Variants in SGPP2 observed in about 807,000 individuals in gnomAD.
SGPP2 encodes sphingosine-1-phosphate phosphatase 2.
SGPP2 carries 30 observed loss-of-function variants against 33.9 expected under a neutral mutation model. The observed-to-expected ratio is 0.89, with a 90% CI of 0.66 to 1.20. SGPP2 has a LOEUF of 1.20. Ranked by LOEUF, SGPP2 falls within the 50% of genes most tolerant of loss-of-function variation. The pLI, the probability that SGPP2 is intolerant of heterozygous loss-of-function variation, is 0.00. For synonymous variants in SGPP2, 233 were observed against 225.0 expected, an observed-to-expected ratio of 1.04 and a Z score of -0.32; for missense variants, 458 against 532.1, an observed-to-expected ratio of 0.86 and a Z score of 1.37.
intron 1 of SGPP2, among the ~76,000 whole-genome samples, chr2:222,445,778 G>T (rs1324003382): frequency 1.3e-5 from 2 of 152,206 alleles, no homozygotes; most frequent in Non-Finnish European, 2.9e-5. Flanking sequence ...CGAAGGCTTA[G>T]ATGTCCTCTC....
rs538662911 is a variant in SGPP2, at chr2:222,487,718, T to TA, written c.378+12992_378+12993insA. ...CCGGTGGCAGTGCGCTGGCAACATA[T>TA]CCATCCTCCTCCTGTCCAGTGGTGG... On this transcript the variant is annotated intron_variant, in intron 2 of 4. Coordinates refer to ENST00000321276, the MANE Select transcript of SGPP2 (RefSeq NM_152386.4). Among the ~76,000 whole-genome samples the TA allele has an allele frequency of 2.0e-5, 3 of 152,184 alleles. No individual in the cohort carries two copies. In the South Asian group the frequency reaches 6.2e-4, roughly 32 times the overall value.
At chr2:222,452,718 C>G (rs1697510886) in intron 1 of SGPP2, 1 of 1,389,026 alleles carries the variant, frequency 7.2e-7, no homozygotes, top group African/African-American at 1.4e-5. Flanking sequence ...GGTCTGGTTG[C>G]TCCACATTGG....
chr2:222,484,321 A>C (rs1163353209), intron 2 of SGPP2, among the ~76,000 whole-genome samples: 1 of 152,086 alleles, frequency 6.6e-6, no homozygotes, highest in African/African-American at 2.4e-5. Flanking sequence ...TTGGTGGAGT[A>C]GAATTGTAGC....
chr2:222,482,949 C>T (rs998003800), intron 2 of SGPP2, among the ~76,000 whole-genome samples: 2 of 152,112 alleles, frequency 1.3e-5, no homozygotes, highest in Non-Finnish European at 2.9e-5. Context: ...TGAAAGGACC[C>T]AGCTAGAGGA....
At chr2:222,493,462 G>A (rs1698228291) in intron 2 of SGPP2, among the ~76,000 whole-genome samples, 7 of 152,066 alleles carry the variant, frequency 4.6e-5, no homozygotes, top group Admixed American at 3.9e-4. Context: ...CCACATGTGT[G>A]GATTACAGGA....
At chr2:222,532,350 G>C (rs1303737636) in intron 4 of SGPP2, among the ~76,000 whole-genome samples, 2 of 152,176 alleles carry the variant, frequency 1.3e-5, no homozygotes, top group Non-Finnish European at 2.9e-5. Context: ...AAGCAGGAGA[G>C]CAATTCAAGG....
intron 1 of SGPP2, among the ~76,000 whole-genome samples, chr2:222,436,640 G>A (rs1356878516): frequency 2.6e-5 from 4 of 152,292 alleles, no homozygotes; most frequent in South Asian, 2.1e-4. Flanking sequence ...CAGAGGCAAT[G>A]CTGTGTGGGA....
intron 2 of SGPP2, among the ~76,000 whole-genome samples, chr2:222,486,245 C>T (rs961809251): frequency 6.6e-6 from 1 of 152,206 alleles, no homozygotes; most frequent in African/African-American, 2.4e-5. Context: ...TCCATGGGTG[C>T]CAGCCCCTCT....
At chr2:222,441,456 T>A (rs770660745) in intron 1 of SGPP2, among the ~76,000 whole-genome samples, 2 of 152,246 alleles carry the variant, frequency 1.3e-5, no homozygotes, top group African/African-American at 2.4e-5. Context: ...ACATTCATGA[T>A]CTATTGTTCA....
intron 2 of SGPP2, among the ~76,000 whole-genome samples, chr2:222,516,879 T>A (rs35927614): frequency 0.31 from 47,203 of 152,156 alleles, 7,985 homozygotes; most frequent in Middle Eastern, 0.49. Flanking sequence ...CTAAGTGTTT[T>A]GCATACATTT....
rs1420886278 is a variant in SGPP2, at chr2:222,562,475, A to G, written c.*3577A>G. Among the ~76,000 whole-genome samples, 1 of 152,222 alleles carries G rather than the reference A, an allele frequency of 6.6e-6. No homozygotes were observed. The highest frequency in any genetic ancestry group is 1.5e-5 in the Non-Finnish European group (1 of 68,038). On this transcript the variant is annotated 3_prime_UTR_variant, in exon 5 of 5. Coordinates refer to ENST00000321276, the MANE Select transcript of SGPP2 (RefSeq NM_152386.4). Reference sequence around the variant, plus strand: ...AGGCAACTCATGCTTCCTGAGTGTAATCAAAGCATGTGGTGTTTTGGGGCC... The same window carrying G: ...AGGCAACTCATGCTTCCTGAGTGTAGTCAAAGCATGTGGTGTTTTGGGGCC...
chr2:222,519,389 A>G (rs1698650604), intron 2 of SGPP2, among the ~76,000 whole-genome samples: 1 of 152,264 alleles, frequency 6.6e-6, no homozygotes, highest in Admixed American at 6.5e-5. Flanking sequence ...GCAGGTACTT[A>G]AGTAAATATG....
chr2:222,451,140 GA>G (rs5838950), intron 1 of SGPP2, among the ~76,000 whole-genome samples: 94,850 of 131,118 alleles, frequency 0.72, 32,881 homozygotes, highest in Middle Eastern at 0.86. Flanking sequence ...TACAAAAAGA[GA>G]AAAAAAAAAA....
intron 1 of SGPP2, among the ~76,000 whole-genome samples, chr2:222,429,554 A>G (rs1262899335): frequency 6.6e-6 from 1 of 152,248 alleles, no homozygotes; most frequent in South Asian, 2.1e-4. Context: ...TGCCCGTTAT[A>G]TCACCGCCCA....
intron 2 of SGPP2, among the ~76,000 whole-genome samples, chr2:222,486,761 C>T (rs990246342): frequency 6.6e-6 from 1 of 152,242 alleles, no homozygotes; most frequent in East Asian, 1.9e-4. Flanking sequence ...GAACCAGTAA[C>T]TCTCTGATTC....
chr2:222,459,413 G>A (rs1697625319), intron 1 of SGPP2, among the ~76,000 whole-genome samples: 1 of 152,064 alleles, frequency 6.6e-6, no homozygotes, highest in African/African-American at 2.4e-5. Context: ...GCCTCCCAAA[G>A]TGCTGAGATT....
chr2:222,454,733 T>TAAA (rs78696026), intron 1 of SGPP2, among the ~76,000 whole-genome samples: 158 of 117,942 alleles, frequency 1.3e-3, no homozygotes, highest in African/African-American at 3.8e-3. Context: ...GTGGAGCTGT[T>TAAA]AAAAAAAAAA....
At chr2:222,556,248 C>T (rs1044732128) in intron 4 of SGPP2, among the ~76,000 whole-genome samples, 3 of 152,020 alleles carry the variant, frequency 2.0e-5, no homozygotes, top group Admixed American at 1.3e-4. Flanking sequence ...GGATTTTTCT[C>T]CCCAAAATTA....
intron 1 of SGPP2, among the ~76,000 whole-genome samples, chr2:222,468,297 T>C (rs538881786): frequency 6.6e-6 from 1 of 152,082 alleles, no homozygotes; most frequent in Admixed American, 6.5e-5. Context: ...ATTAGTACAG[T>C]ACTTTCAATG....
Sources: gnomAD v4.1 joint callset for allele counts (sites outside exome capture counted in the v4.1 genomes callset) on GRCh38, gnomAD v4.1.1 for gene constraint, MANE v1.5 for transcripts, NCBI Gene and HGNC (gene_info 2026-07-23, HGNC 2026-07-21) for gene names.